TAFA1: variants seen among roughly 807,000 people sequenced by gnomAD.
The protein encoded by TAFA1 is TAFA chemokine like family member 1.
TAFA1 carries 4 observed loss-of-function variants against 18.5 expected under a neutral mutation model. The ratio of observed to expected loss-of-function variants is 0.22; its 90% CI spans 0.11 to 0.49. The LOEUF (loss-of-function observed/expected upper bound fraction) is 0.49. TAFA1 is among the 20% of genes least tolerant of loss of function. TAFA1 has a pLI of 0.98. For synonymous variants in TAFA1, 56 were observed against 55.2 expected (o/e 1.01, Z -0.06); for missense variants, 147 against 169.0 (o/e 0.87, Z 0.72).
At chr3:68,347,994 T>G (rs528755744) in intron 2 of TAFA1, among the ~76,000 whole-genome samples, 27 of 152,236 alleles carry the variant, frequency 1.8e-4, no homozygotes, top group Admixed American at 7.9e-4. Context: ...CAGTGAGACT[T>G]AGTGCTAGTC....
intron 2 of TAFA1, among the ~76,000 whole-genome samples, chr3:68,245,410 C>T (rs1295529337): frequency 6.6e-6 from 1 of 152,128 alleles, no homozygotes; most frequent in Non-Finnish European, 1.5e-5. Context: ...AAGCTATTTT[C>T]CCAGATATTA....
intron 3 of TAFA1, among the ~76,000 whole-genome samples, chr3:68,425,102 G>A (rs1212912050): frequency 6.6e-6 from 1 of 151,954 alleles, no homozygotes; most frequent in Non-Finnish European, 1.5e-5. Context: ...ACTGCAGCTT[G>A]GAAATCATCT....
chr3:68,225,456 G>C (rs562040407), intron 2 of TAFA1, among the ~76,000 whole-genome samples: 2 of 152,284 alleles, frequency 1.3e-5, no homozygotes, highest in East Asian at 3.9e-4. Context: ...CCTGCCTGTG[G>C]TGGAAATATG....
chr3:68,429,907 T>C (rs531535805), intron 3 of TAFA1, among the ~76,000 whole-genome samples: 6 of 152,066 alleles, frequency 3.9e-5, no homozygotes, highest in Non-Finnish European at 8.8e-5. Flanking sequence ...TAATGTACTA[T>C]AATCTTTGTT....
In TAFA1 at chr3:68,179,074, G is replaced by C. The variant is rs561448058; in HGVS notation, c.118+172330G>C. ...AAGAACACACTTATTTGATGAATAA[G>C]AGCAGTTTTTTATAGCAGAACCACT... On this transcript the variant is annotated intron_variant, in intron 2 of 4. Coordinates refer to ENST00000478136, the MANE Select transcript of TAFA1 (RefSeq NM_213609.4). 2.6e-5 allele frequency among the ~76,000 whole-genome samples: 4 copies of C among 152,298 alleles called. No individual in the cohort carries two copies. The East Asian group carries it at 7.7e-4, about 29-fold the overall frequency.
intron 2 of TAFA1, among the ~76,000 whole-genome samples, chr3:68,390,238 G>C (rs2070203378): frequency 6.6e-6 from 1 of 152,082 alleles, no homozygotes; most frequent in Admixed American, 6.6e-5. Context: ...AAAGCCTCTG[G>C]GAAGTTCAGA....
intron 2 of TAFA1, among the ~76,000 whole-genome samples, chr3:68,299,584 A>G (rs1052619194): frequency 6.6e-6 from 1 of 152,268 alleles, no homozygotes; most frequent in East Asian, 1.9e-4. Flanking sequence ...AAATTTGCAT[A>G]AGTAACCAGG....
the TAFA1 span, among the ~76,000 whole-genome samples, chr3:67,998,060 CA>C: frequency 2.1e-4 from 32 of 150,518 alleles, no homozygotes; most frequent in South Asian, 4.2e-4. Context: ...AAAAATTAAA[CA>C]AAAAAAACCA....
At chr3:68,399,191 T>C (rs530412195) in intron 2 of TAFA1, among the ~76,000 whole-genome samples, 51 of 152,332 alleles carry the variant, frequency 3.3e-4, no homozygotes, top group African/African-American at 1.2e-3. Flanking sequence ...TTACTCCATT[T>C]CTTTTTCATG....
chr3:68,443,946 G>T (rs1575872572), intron 3 of TAFA1, among the ~76,000 whole-genome samples: 1 of 152,140 alleles, frequency 6.6e-6, no homozygotes, highest in Non-Finnish European at 1.5e-5. Context: ...TTCAGAGAAG[G>T]GAAGAAAGGA....
chr3:68,287,108 G>A (rs2068023607), intron 2 of TAFA1, among the ~76,000 whole-genome samples: 2 of 152,212 alleles, frequency 1.3e-5, no homozygotes, highest in Non-Finnish European at 1.5e-5. Flanking sequence ...GCATGTCCAA[G>A]TGGAGACCCT....
chr3:68,125,093 G>A (rs2065448256), intron 2 of TAFA1, among the ~76,000 whole-genome samples: 1 of 152,134 alleles, frequency 6.6e-6, no homozygotes, highest in Non-Finnish European at 1.5e-5. Flanking sequence ...TTTCCTTTAG[G>A]CCTAGAGAAG....
intron 2 of TAFA1, among the ~76,000 whole-genome samples, chr3:68,404,064 GTTTACTC>G (rs1184574955): frequency 6.6e-6 from 1 of 152,158 alleles, no homozygotes; most frequent in East Asian, 1.9e-4. Context: ...CTTTCCCTGT[GTTTACTC>G]ATTCATCCTC....
intron 2 of TAFA1, among the ~76,000 whole-genome samples, chr3:68,242,270 C>A (rs966913097): frequency 2.0e-5 from 3 of 152,084 alleles, no homozygotes; most frequent in Non-Finnish European, 2.9e-5. Flanking sequence ...TCTAATGAAC[C>A]CTTCCAGTCT....
intron 2 of TAFA1, among the ~76,000 whole-genome samples, chr3:68,263,446 TACACACACAC>T (rs3033685): frequency 2.1e-4 from 29 of 137,684 alleles, no homozygotes; most frequent in Non-Finnish European, 3.6e-4. Context: ...CACACACACA[TACACACACAC>T]ACACACACAC....
chr3:68,150,733 G>C (rs1447238372), intron 2 of TAFA1, among the ~76,000 whole-genome samples: 1 of 151,848 alleles, frequency 6.6e-6, no homozygotes, highest in Admixed American at 6.6e-5. Flanking sequence ...ATTTTTGATT[G>C]CTTCCTCTCC....
chr3:68,510,868 G>C (rs2072836016), intron 3 of TAFA1, among the ~76,000 whole-genome samples: 1 of 151,558 alleles, frequency 6.6e-6, no homozygotes, highest in Admixed American at 6.6e-5. Flanking sequence ...GTAACAGGAA[G>C]ACATAGGCAA....
chr3:68,469,039 G>A (rs1450819015), intron 3 of TAFA1, among the ~76,000 whole-genome samples: 1 of 152,150 alleles, frequency 6.6e-6, no homozygotes, highest in Non-Finnish European at 1.5e-5. Context: ...TCAAACTGAA[G>A]CACCTTTCCA....
At chr3:68,266,924 C>T (rs374947937) in intron 2 of TAFA1, among the ~76,000 whole-genome samples, 1 of 139,084 alleles carries the variant, frequency 7.2e-6, no homozygotes, top group East Asian at 2.4e-4. Flanking sequence ...CACTCTTGGG[C>T]TCAGTCAAGC....
Sources: gnomAD v4.1 joint callset for allele counts (sites outside exome capture counted in the v4.1 genomes callset) on GRCh38, gnomAD v4.1.1 for gene constraint, MANE v1.5 for transcripts, NCBI Gene and HGNC (gene_info 2026-07-23, HGNC 2026-07-21) for gene names.